Variants in ARHGEF4 observed in about 807,000 individuals in gnomAD.
The protein encoded by ARHGEF4 is APC-stimulated guanine nucleotide exchange factor 1.
ARHGEF4 carries 119 observed loss-of-function variants against 162.0 expected under a neutral mutation model. That is an observed-to-expected ratio of 0.73 (90% CI 0.63 to 0.86). The LOEUF (loss-of-function observed/expected upper bound fraction) is 0.86. ARHGEF4 is among the 40% of genes least tolerant of loss of function. ARHGEF4 has a pLI of 0.00. For missense variants in ARHGEF4, 2,488 were observed against 2,456.0 expected (o/e 1.01, Z -0.28); for synonymous variants, 1,014 against 979.9 (o/e 1.03, Z -0.65).
intron 4 of ARHGEF4, among the ~76,000 whole-genome samples, chr2:130,992,440 C>T (rs548440168): frequency 1.5e-4 from 23 of 152,172 alleles, no homozygotes; most frequent in African/African-American, 5.5e-4. Flanking sequence ...AGACCACGAG[C>T]CCACCGGGAG....
At chr2:130,881,782 A>G (rs1878639) in intron 1 of ARHGEF4, among the ~76,000 whole-genome samples, 41,414 of 152,024 alleles carry the variant, frequency 0.27, 7,485 homozygotes, top group African/African-American at 0.5. Context: ...TGGTGATGCC[A>G]CGTGCAGCCA....
intron 4 of ARHGEF4, chr2:131,011,646 A>G (rs1169257276): frequency 6.5e-7 from 1 of 1,534,734 alleles, no homozygotes; most frequent in East Asian, 2.4e-5. Context: ...GTTAACTGAG[A>G]TTGGTCAAGA....
chr2:130,956,823 TGGGGGGA>T (rs1253489961), intron 4 of ARHGEF4, among the ~76,000 whole-genome samples: 1 of 31,178 alleles, frequency 3.2e-5, no homozygotes, highest in Non-Finnish European at 5.9e-5. Flanking sequence ...TGTCGTGGGG[TGGGGGGA>T]GGGGGGAGGG....
chr2:130,987,006 C>T (rs1686555387), intron 4 of ARHGEF4, among the ~76,000 whole-genome samples: 1 of 152,352 alleles, frequency 6.6e-6, no homozygotes. Flanking sequence ...AACGCTGGCT[C>T]TTCTGTGCAT....
intron 1 of ARHGEF4, among the ~76,000 whole-genome samples, chr2:130,880,498 T>C (rs1477363115): frequency 6.6e-6 from 1 of 152,134 alleles, no homozygotes; most frequent in East Asian, 1.9e-4. Flanking sequence ...CTCTTTCCCA[T>C]TTGTCTTAGC....
chr2:131,015,215 G>A (rs1293739334), intron 4 of ARHGEF4, among the ~76,000 whole-genome samples: 2 of 152,208 alleles, frequency 1.3e-5, no homozygotes, highest in Non-Finnish European at 2.9e-5. Context: ...GCAGCAGAGC[G>A]CATTCCCACT....
At chr2:130,873,346 T>C (rs912540513) in intron 1 of ARHGEF4, among the ~76,000 whole-genome samples, 1 of 152,120 alleles carries the variant, frequency 6.6e-6, no homozygotes, top group African/African-American at 2.4e-5. Context: ...CCTAGCACTT[T>C]GGGAGGCCGA....
At chr2:130,954,579 C>A (rs1002934910) in intron 4 of ARHGEF4, among the ~76,000 whole-genome samples, 63 of 152,106 alleles carry the variant, frequency 4.1e-4, no homozygotes, top group Admixed American at 7.9e-4. Flanking sequence ...TTAAAAAATC[C>A]TTTTAGCACA....
At chr2:131,039,239 G>A in intron 6 of ARHGEF4, 1 of 1,281,144 alleles carries the variant, frequency 7.8e-7, no homozygotes, top group East Asian at 2.6e-5. Flanking sequence ...TCGGGGGCCA[G>A]AGAGGAGAGC....
intron 4 of ARHGEF4, among the ~76,000 whole-genome samples, chr2:130,989,042 A>G (rs1686760707): frequency 6.6e-6 from 1 of 151,680 alleles, no homozygotes; most frequent in African/African-American, 2.4e-5. Flanking sequence ...GCTCACTGCA[A>G]CCTCCACCTC....
chr2:130,949,025 T>C (rs1008327085), intron 4 of ARHGEF4, among the ~76,000 whole-genome samples: 1 of 152,228 alleles, frequency 6.6e-6, no homozygotes, highest in Non-Finnish European at 1.5e-5. Flanking sequence ...GAATCTGTCA[T>C]CATTCTCATT....
intron 1 of ARHGEF4, among the ~76,000 whole-genome samples, chr2:130,847,948 CGCTGGGCT>C (rs755635829): frequency 1.2e-3 from 190 of 152,272 alleles, no homozygotes; most frequent in Non-Finnish European, 2.6e-3. Context: ...GGAGCTGGGC[CGCTGGGCT>C]GGGGTCTGTC....
intron 4 of ARHGEF4, among the ~76,000 whole-genome samples, chr2:130,999,254 C>T (rs1454984711): frequency 2.0e-5 from 3 of 150,538 alleles, no homozygotes; most frequent in Non-Finnish European, 3.0e-5. Flanking sequence ...CCTGGGTTCA[C>T]GCCCATTCTC....
At chr2:130,973,399 G>C (rs1311274360) in intron 4 of ARHGEF4, among the ~76,000 whole-genome samples, 1 of 152,188 alleles carries the variant, frequency 6.6e-6, no homozygotes, top group Non-Finnish European at 1.5e-5. Flanking sequence ...TGAAGCAGGA[G>C]GATTACTTGA....
At chr2:130,847,144 C>T (rs1681039026) in intron 1 of ARHGEF4, among the ~76,000 whole-genome samples, 1 of 152,202 alleles carries the variant, frequency 6.6e-6, no homozygotes, top group Non-Finnish European at 1.5e-5. Context: ...CTTGCCCCTG[C>T]CGGACACCTG....
At position 130,915,225 on chromosome 2, in the gene ARHGEF4, A is replaced by T. The variant is rs763575252; in HGVS notation, c.1279A>T (p.Asn427Tyr). The T allele has an allele frequency of 1.9e-5, 29 of 1,550,440 alleles. No individual in the cohort carries two copies. The highest frequency in any genetic ancestry group is 2.5e-5 in the Non-Finnish European group (29 of 1,147,002). ...DTPSAGLLGENQLRQDSRSCL... is the reference protein window; with the variant it reads ...DTPSAGLLGEYQLRQDSRSCL... The stretch of plus-strand genomic sequence containing the variant: ...TCCTTCTGCAGGTCTCCTGGGGGAA[A>T]ACCAGTTAAGACAGGATTCCAGGTC... The change falls in exon 2 of 14, where the codon AAC becomes TAC. Residue 427 changes from asparagine to tyrosine, a missense_variant. Physicochemically the swap from Asn to Tyr is moderately radical, Grantham distance 143 (BLOSUM62 -2). Transcript: ENST00000409359.
chr2:131,044,443 G>T lies in ARHGEF4; in HGVS notation c.5302G>T (p.Asp1768Tyr). ...AFRLHRGATG[D>Y]SHLLCTRKPE... ...CCGGCTGCACCGTGGCGCCACAGGG[G>T]ACAGCCACCTGCTGTGCACCAGGAA... The change falls in exon 12 of 14, where the codon GAC (aspartate) becomes TAC (tyrosine). Residue 1768 changes from aspartate to tyrosine, a missense_variant. Asp to Tyr is a radical substitution (Grantham distance 160). This residue lies in a region of ARHGEF4 where 415 missense variants were observed against 512.4 expected (regional missense o/e 0.81). Coordinates refer to ENST00000409359, the MANE Select transcript of ARHGEF4 (RefSeq NM_001367493.1). 6.4e-7 allele frequency: 1 copy of T among 1,560,356 alleles called. No individual in the cohort carries two copies. Among genetic ancestry groups the T allele is most frequent in the Non-Finnish European group, 8.7e-7 (1 of 1,152,212 alleles).
At chr2:130,957,500 A>C (rs1185988949) in intron 4 of ARHGEF4, among the ~76,000 whole-genome samples, 6 of 152,216 alleles carry the variant, frequency 3.9e-5, no homozygotes, top group African/African-American at 1.2e-4. Flanking sequence ...ATGAAGGAAC[A>C]TTTTGGGTGG....
chr2:130,952,300 T>C (rs776463426), intron 4 of ARHGEF4, among the ~76,000 whole-genome samples: 1 of 152,212 alleles, frequency 6.6e-6, no homozygotes, highest in African/African-American at 2.4e-5. Flanking sequence ...AAAGGATTCT[T>C]AGTTGCCAAG....
Sources: allele counts gnomAD v4.1 joint callset (sites outside exome capture counted in the v4.1 genomes callset), GRCh38; gene constraint gnomAD v4.1.1; regional missense constraint gnomAD v4.1.1; transcripts MANE v1.5; gene names NCBI Gene and HGNC (gene_info 2026-07-23, HGNC 2026-07-21).